Variants in TMEM165 observed in about 807,000 individuals in gnomAD.
TMEM165 encodes putative divalent cation/proton antiporter TMEM165.
TMEM165 carries 19 observed loss-of-function variants against 30.0 expected under a neutral mutation model. The observed-to-expected ratio is 0.63, with a 90% CI of 0.44 to 0.93. The LOEUF is 0.93. Among genes scored for constraint, TMEM165 ranks in the 40% least tolerant of loss-of-function variants. TMEM165 has a pLI of 0.00. For synonymous variants in TMEM165, 168 were observed against 162.9 expected, an observed-to-expected ratio of 1.03 and a Z score of -0.24; for missense variants, 340 against 417.0, an observed-to-expected ratio of 0.82 and a Z score of 1.61.
chr4:55,421,397 C>T (rs894660184), intron 4 of TMEM165, among the ~76,000 whole-genome samples: 1 of 148,354 alleles, frequency 6.7e-6, no homozygotes, highest in Non-Finnish European at 1.5e-5. Context: ...ACCTCCTGGG[C>T]TCAAGCCATC....
chr4:55,438,222 C>T (rs532160084), intron 3 of TMEM165: 100 of 1,567,270 alleles, frequency 6.4e-5, no homozygotes, highest in Admixed American at 2.2e-4. Context: ...TCACTTAATG[C>T]TTAATTTCAT....
intron 1 of TMEM165, chr4:55,397,458 C>G (rs1720771238): frequency 6.6e-6 from 1 of 151,822 alleles, no homozygotes; most frequent in African/African-American, 2.4e-5. Context: ...TTTGTGCTCT[C>G]TTGCCAGTTC....
At chr4:55,419,005 A>G (rs997176413) in intron 4 of TMEM165, among the ~76,000 whole-genome samples, 4 of 152,204 alleles carry the variant, frequency 2.6e-5, no homozygotes, top group African/African-American at 9.7e-5. Flanking sequence ...AGATTGCACC[A>G]CTGCACTCCA....
intron 1 of TMEM165, 119 bp from the exon 2 acceptor site, chr4:55,411,495 A>AG (rs1721495150): frequency 1.2e-6 from 1 of 844,446 alleles, no homozygotes; most frequent in Admixed American, 2.7e-5. Context: ...GTGATTAGAC[A>AG]GTAAATAAGT....
chr4:55,442,611 C>A (rs183625679), intron 3 of TMEM165: 134 of 1,612,646 alleles, frequency 8.3e-5, no homozygotes, highest in Admixed American at 4.0e-4. Context: ...GCTGACTGTG[C>A]CCACTCAGTA....
intron 3 of TMEM165, chr4:55,435,124 G>C (rs1013058754): frequency 7.4e-6 from 3 of 404,984 alleles, no homozygotes; most frequent in African/African-American, 4.1e-5. Context: ...TTTCATAGCT[G>C]AGCTTCTTAA....
intron 1 of TMEM165, among the ~76,000 whole-genome samples, chr4:55,404,630 G>T (rs1721199142): frequency 6.6e-6 from 1 of 151,668 alleles, no homozygotes; most frequent in South Asian, 2.1e-4. Context: ...TGGAGATGAG[G>T]TCTCACTATG....
intron 1 of TMEM165, among the ~76,000 whole-genome samples, chr4:55,400,064 C>T (rs1297189424): frequency 7.1e-6 from 1 of 140,544 alleles, no homozygotes; most frequent in African/African-American, 2.6e-5. Flanking sequence ...AGCCTGCCCT[C>T]AAACTCCTGG....
intron 3 of TMEM165, 142 bp downstream of exon 3, chr4:55,417,389 C>A: frequency 1.2e-6 from 1 of 834,688 alleles, no homozygotes; most frequent in South Asian, 1.9e-5. Flanking sequence ...TGTTCTTATA[C>A]CTGTCTGTGA....
At chr4:55,420,106 A>AAAAAAAAAT (rs1474254120) in intron 4 of TMEM165, among the ~76,000 whole-genome samples, 31 of 45,416 alleles carry the variant, frequency 6.8e-4, no homozygotes, top group Non-Finnish European at 7.8e-4. Context: ...AAGAAAAAAA[A>AAAAAAAAAT]ATATATATAT....
At chr4:55,443,878 T>C in intron 3 of TMEM165, 1 of 1,612,788 alleles carries the variant, frequency 6.2e-7, no homozygotes, top group Non-Finnish European at 8.5e-7. Context: ...AACCCAGGAT[T>C]TGATTGTTGC....
Position 55,417,264 on chromosome 4 carries a change from T to C in TMEM165, c.609+17T>C. On this transcript the variant is annotated intron_variant, in intron 3 of 5. Transcript: ENST00000381334. The stretch of plus-strand genomic sequence containing the variant: ...GATGAAGAAGTAAGCCATGGCACTG[T>C]TGATCTGGACCAAAAAGGCACTCAA... 2 of 1,605,080 alleles carry C rather than the reference T, an allele frequency of 1.2e-6. No homozygotes were observed.
Position 55,396,104 on chromosome 4 carries a change from C to T in TMEM165, c.-86C>T, listed in dbSNP as rs1720707514. Reference sequence around the variant, plus strand: ...GCGGCGGCGGCGAGTCGTGAGGACGCGCCGCGGAGGCTGTTCGGGGTCGAG... The same window carrying T: ...GCGGCGGCGGCGAGTCGTGAGGACGTGCCGCGGAGGCTGTTCGGGGTCGAG... On this transcript the variant is annotated 5_prime_UTR_variant, in exon 1 of 6. Transcript: ENST00000381334. 17 of 1,169,358 alleles carry T rather than the reference C, an allele frequency of 1.5e-5. No individual in the cohort carries two copies. The highest frequency in any genetic ancestry group is 1.7e-5 in the Non-Finnish European group (16 of 916,512). The allele number at this position is 1,169,358 out of a possible 1,614,324, so 72.4% of individuals were successfully genotyped here. A position where few individuals can be genotyped will look rare whatever the true frequency, so the allele number is the denominator to read the frequency against.
intron 3 of TMEM165, chr4:55,442,195 T>G: frequency 2.0e-6 from 1 of 501,854 alleles, no homozygotes; most frequent in Non-Finnish European, 3.6e-6. Context: ...AGAATTTGTA[T>G]TCTATAATAT....
At position 55,422,107 on chromosome 4, in the gene TMEM165, A is replaced by G. The variant is rs138350656; in HGVS notation, c.793-2431A>G. Among the ~76,000 whole-genome samples the G allele has an allele frequency of 2.5e-3, 375 of 152,196 alleles. 2 individuals are homozygous for G. The highest frequency in any genetic ancestry group is 8.2e-3 in the African/African-American group (342 of 41,540). On this transcript the variant is annotated intron_variant, in intron 4 of 5. Coordinates refer to ENST00000381334, the MANE Select transcript of TMEM165 (RefSeq NM_018475.5). ...TTTGAGCTCCCTGTGGCCTTGCATGATGCCTCCGTTGGTCCTTACAGGAGG... is the reference window on the plus strand; with the variant it reads ...TTTGAGCTCCCTGTGGCCTTGCATGGTGCCTCCGTTGGTCCTTACAGGAGG...
At chr4:55,397,997 C>T (rs1720802659) in intron 1 of TMEM165, among the ~76,000 whole-genome samples, 1 of 152,172 alleles carries the variant, frequency 6.6e-6, no homozygotes, top group South Asian at 2.1e-4. Context: ...CCGGCCTTGG[C>T]CTCCCAAGTG....
downstream of TMEM165, chr4:55,428,994 T>TTTA (rs1553887899): frequency 7.6e-6 from 1 of 132,178 alleles, no homozygotes; most frequent in South Asian, 2.6e-4. Flanking sequence ...TTTTTTTTTT[T>TTTA]AAAAAGACAT....
At chr4:55,406,686 G>T (rs528338194) in intron 1 of TMEM165, among the ~76,000 whole-genome samples, 1 of 152,114 alleles carries the variant, frequency 6.6e-6, no homozygotes, top group East Asian at 1.9e-4. Flanking sequence ...TTGAGACAGG[G>T]TCTCACTCTG....
intron 1 of TMEM165, among the ~76,000 whole-genome samples, chr4:55,411,172 A>G (rs893859513): frequency 4.6e-5 from 7 of 151,952 alleles, no homozygotes; most frequent in Non-Finnish European, 1.0e-4. Context: ...ATGCATGGAT[A>G]TAGCAGGTCT....
Sources: allele counts gnomAD v4.1 joint callset (sites outside exome capture counted in the v4.1 genomes callset), GRCh38; gene constraint gnomAD v4.1.1; transcripts MANE v1.5; gene names NCBI Gene and HGNC (gene_info 2026-07-23, HGNC 2026-07-21).